MARCHF1: variants seen among roughly 807,000 people sequenced by gnomAD.
MARCHF1 encodes the protein E3 ubiquitin-protein ligase MARCHF1.
Under a neutral mutation model 54.2 loss-of-function variants are expected in MARCHF1, and 40 were observed. The ratio of observed to expected loss-of-function variants is 0.74; its 90% CI spans 0.57 to 0.96. MARCHF1 has a LOEUF of 0.96. MARCHF1 is among the 40% of genes least tolerant of loss of function. MARCHF1 has a pLI of 0.00. For missense variants in MARCHF1, 586 were observed against 656.5 expected (o/e 0.89, Z 1.17); for synonymous variants, 236 against 236.3 (o/e 1.00, Z 0.01).
intron 5 of MARCHF1, among the ~76,000 whole-genome samples, chr4:163,646,244 T>TAA (rs34369438): frequency 2.0e-3 from 301 of 149,390 alleles, no homozygotes; most frequent in African/African-American, 6.6e-3. Flanking sequence ...GACATGAAAT[T>TAA]AAAAAAAACC....
intron 1 of MARCHF1, among the ~76,000 whole-genome samples, chr4:164,340,662 A>T (rs1048974723): frequency 1.3e-5 from 2 of 151,550 alleles, no homozygotes; most frequent in African/African-American, 4.8e-5. Flanking sequence ...ACCTCAGGCA[A>T]TCTGCCCACC....
At chr4:164,274,463 G>C (rs1308088522) in intron 1 of MARCHF1, among the ~76,000 whole-genome samples, 73 of 151,970 alleles carry the variant, frequency 4.8e-4, no homozygotes, top group Non-Finnish European at 8.8e-5. Context: ...ATATGGATTA[G>C]CTAGAAAAAA....
Position 164,024,442 on chromosome 4 carries a change from C to A in MARCHF1, c.-247-35733G>T, listed in dbSNP as rs187812616. 3.3e-5 allele frequency among the ~76,000 whole-genome samples: 5 copies of A among 152,142 alleles called. No individual in the cohort carries two copies. In the East Asian group the frequency reaches 9.7e-4, roughly 29 times the overall value. On this transcript the variant is annotated intron_variant, in intron 2 of 9. Coordinates refer to ENST00000514618, the MANE Select transcript of MARCHF1 (RefSeq NM_001394959.1). Reference sequence around the variant, plus strand: ...ATATTGGTGGCTTATTTTCAGCATCCTTAAAGGAAAAAAATTACAGCCAAG... The same window carrying A: ...ATATTGGTGGCTTATTTTCAGCATCATTAAAGGAAAAAAATTACAGCCAAG...
At chr4:163,811,971 C>T (rs1000168413) in intron 4 of MARCHF1, among the ~76,000 whole-genome samples, 4 of 152,090 alleles carry the variant, frequency 2.6e-5, no homozygotes, top group African/African-American at 7.2e-5. Context: ...TGACTCTCCC[C>T]AATGTGGTGG....
At position 163,785,648 on chromosome 4, in the gene MARCHF1, T is replaced by G. The variant is rs147452063; in HGVS notation, c.111+68373A>C. The stretch of plus-strand genomic sequence containing the variant: ...AGTTAAGATTCCACTTTTTTACACA[T>G]TGTTAGAATAATATATAATAGCTAA... On this transcript the variant is annotated intron_variant, in intron 4 of 9. Transcript: ENST00000514618. Among the ~76,000 whole-genome samples, 18 of 152,134 alleles carry G rather than the reference T, an allele frequency of 1.2e-4. No individual in the cohort carries two copies. In the East Asian group the frequency reaches 2.7e-3, roughly 23 times the overall value.
chr4:163,855,819 TTAGA>T (rs1384124715), intron 3 of MARCHF1, among the ~76,000 whole-genome samples: 1 of 152,180 alleles, frequency 6.6e-6, no homozygotes, highest in African/African-American at 2.4e-5. Flanking sequence ...TATTTCCCAT[TTAGA>T]TTCTTTTTGA....
At chr4:163,831,204 C>A (rs1316514126) in intron 4 of MARCHF1, among the ~76,000 whole-genome samples, 1 of 152,160 alleles carries the variant, frequency 6.6e-6, no homozygotes, top group African/African-American at 2.4e-5. Flanking sequence ...GGGCTAGATG[C>A]CTCTGAACTG....
chr4:163,704,931 C>CA (rs1405727811), intron 4 of MARCHF1, among the ~76,000 whole-genome samples: 1 of 149,244 alleles, frequency 6.7e-6, no homozygotes. Flanking sequence ...AAAGAGAGAA[C>CA]AAAAAAAATG....
In MARCHF1 at chr4:163,601,418, CAG is replaced by C. The variant is rs745705737; in HGVS notation, c.1010+10851_1010+10852del. On this transcript the variant is annotated intron_variant, in intron 7 of 9. Transcript: ENST00000514618. The stretch of plus-strand genomic sequence containing the variant: ...AAGTGTTGCTTTTTTTTTTTTAAGA[CAG>C]AGGAGGAATTTCATATTGCTAAACA... Among the ~76,000 whole-genome samples, 28 of 149,464 alleles carry C rather than the reference CAG, an allele frequency of 1.9e-4. No homozygotes were observed. In the South Asian group the frequency reaches 5.5e-3, roughly 29 times the overall value.
At chr4:163,794,772 A>G (rs1747865685) in intron 4 of MARCHF1, among the ~76,000 whole-genome samples, 1 of 152,218 alleles carries the variant, frequency 6.6e-6, no homozygotes, top group Non-Finnish European at 1.5e-5. Flanking sequence ...TTCTACAGAG[A>G]TCTGAGCCTC....
At chr4:164,305,503 A>G (rs961903466) in intron 1 of MARCHF1, among the ~76,000 whole-genome samples, 4 of 152,100 alleles carry the variant, frequency 2.6e-5, no homozygotes, top group African/African-American at 9.6e-5. Flanking sequence ...GCATGACCAA[A>G]TAAGGAGATT....
chr4:164,336,190 C>A (rs1443855453), intron 1 of MARCHF1, among the ~76,000 whole-genome samples: 2 of 152,214 alleles, frequency 1.3e-5, no homozygotes, highest in Admixed American at 6.5e-5. Flanking sequence ...ATGAAACAAC[C>A]AAATTGGCTA....
intron 1 of MARCHF1, among the ~76,000 whole-genome samples, chr4:164,173,148 T>G (rs1358658520): frequency 6.6e-6 from 1 of 152,236 alleles, no homozygotes; most frequent in Non-Finnish European, 1.5e-5. Flanking sequence ...ACACTTAGAC[T>G]TTCTGGAACC....
intron 4 of MARCHF1, among the ~76,000 whole-genome samples, chr4:163,798,957 C>T (rs894102388): frequency 3.3e-5 from 5 of 152,062 alleles, no homozygotes; most frequent in East Asian, 1.9e-4. Flanking sequence ...AATGTTAGTT[C>T]GTTTAGTCTT....
At chr4:163,541,333 A>G (rs1207535132) in intron 9 of MARCHF1, among the ~76,000 whole-genome samples, 1 of 152,244 alleles carries the variant, frequency 6.6e-6, no homozygotes, top group Non-Finnish European at 1.5e-5. Flanking sequence ...ATCTACACCT[A>G]CAGTCTCTTT....
At chr4:163,548,939 T>C (rs1008547143) in intron 8 of MARCHF1, among the ~76,000 whole-genome samples, 2 of 152,244 alleles carry the variant, frequency 1.3e-5, no homozygotes, top group African/African-American at 2.4e-5. Flanking sequence ...GATTTCGTGA[T>C]AGGCAAGTGA....
At chr4:163,581,758 A>G (rs1166929367) in intron 8 of MARCHF1, among the ~76,000 whole-genome samples, 2 of 152,204 alleles carry the variant, frequency 1.3e-5, no homozygotes, top group African/African-American at 4.8e-5. Flanking sequence ...ACTCTTTTTC[A>G]TTTGACAGTT....
At chr4:163,907,967 C>T (rs1162987907) in intron 3 of MARCHF1, among the ~76,000 whole-genome samples, 1 of 152,072 alleles carries the variant, frequency 6.6e-6, no homozygotes, top group Non-Finnish European at 1.5e-5. Context: ...TTGCACCCCT[C>T]TAAAAGTCTC....
intron 7 of MARCHF1, among the ~76,000 whole-genome samples, chr4:163,608,272 A>G (rs972699082): frequency 6.6e-6 from 1 of 152,056 alleles, no homozygotes; most frequent in African/African-American, 2.4e-5. Flanking sequence ...ACTGAGAAAG[A>G]ATAGGAAGTC....
Sources: allele counts gnomAD v4.1 joint callset (sites outside exome capture counted in the v4.1 genomes callset), GRCh38; gene constraint gnomAD v4.1.1; transcripts MANE v1.5; gene names NCBI Gene and HGNC (gene_info 2026-07-23, HGNC 2026-07-21).